The following ACOT13 variants were observed in gnomAD, a reference collection of about 807,000 sequenced individuals.
The protein encoded by ACOT13 is acyl-CoA thioesterase 13.
A neutral mutation model predicts 11.8 loss-of-function variants in ACOT13; 10 were observed. That is an observed-to-expected ratio of 0.85 (90% CI 0.53 to 1.44). The LOEUF is 1.44. Ranked by LOEUF, ACOT13 falls within the 40% of genes most tolerant of loss-of-function variation. The pLI, the probability that ACOT13 is intolerant of heterozygous loss-of-function variation, is 0.00. For synonymous variants in ACOT13, 53 were observed against 61.0 expected (o/e 0.87, Z 0.61); for missense variants, 172 against 174.1 (o/e 0.99, Z 0.07).
chr6:24,668,371 G>A (rs1485521120), intron 1 of ACOT13, among the ~76,000 whole-genome samples: 2 of 151,990 alleles, frequency 1.3e-5, no homozygotes, highest in South Asian at 2.1e-4. Flanking sequence ...ACAGGCATGC[G>A]CCACCAAGCC....
chr6:24,692,956 G>C (rs1191563081), intron 1 of ACOT13, among the ~76,000 whole-genome samples: 2 of 152,186 alleles, frequency 1.3e-5, no homozygotes, highest in Non-Finnish European at 2.9e-5. Flanking sequence ...TACTTTTATA[G>C]CATCTACCTT....
chr6:24,698,006 A>G lies in ACOT13; in HGVS notation c.205A>G (p.Thr69Ala), dbSNP rs767820339. 2 of 1,613,936 alleles carry G rather than the reference A, an allele frequency of 1.2e-6. No homozygotes were observed. The highest frequency in any genetic ancestry group is 3.3e-5 in the Admixed American group (2 of 59,946). ...AGCCACGTTAGTAGATAACATATCA[A>G]CAATGGCTCTGCTATGCACGGAAAG... ...LTATLVDNIS[T>A]MALLCTERGA... is the part of the protein sequence containing the mutation. Residue 69 changes from threonine (T) to alanine (A), a missense_variant, in exon 2 of 3, where the codon ACA becomes GCA. By Grantham distance (58) the Thr-to-Ala change is moderately conservative (BLOSUM62 0). Coordinates refer to ENST00000230048, the MANE Select transcript of ACOT13 (RefSeq NM_018473.4).
At chr6:24,701,141 A>C (rs898181742) in intron 2 of ACOT13, 27 of 193,116 alleles carry the variant, frequency 1.4e-4, no homozygotes, top group African/African-American at 6.1e-4. Flanking sequence ...GAAGTTAAGG[A>C]GATTAAATGA....
intron 1 of ACOT13, among the ~76,000 whole-genome samples, chr6:24,668,692 A>G (rs972455292): frequency 2.0e-5 from 3 of 152,270 alleles, no homozygotes; most frequent in Admixed American, 6.5e-5. Flanking sequence ...ATGAAAGGCT[A>G]AAGTGAAGTT....
chr6:24,686,214 T>C (rs963677799), intron 1 of ACOT13, among the ~76,000 whole-genome samples: 1 of 151,900 alleles, frequency 6.6e-6, no homozygotes, highest in Non-Finnish European at 1.5e-5. Context: ...CAAGGAAGAG[T>C]CCCATCAGAG....
chr6:24,695,927 ATG>A (rs1778788517), intron 1 of ACOT13, among the ~76,000 whole-genome samples: 1 of 152,082 alleles, frequency 6.6e-6, no homozygotes, highest in Non-Finnish European at 1.5e-5. Context: ...GTGTGGTGGC[ATG>A]TGCCTGTAAT....
intron 1 of ACOT13, among the ~76,000 whole-genome samples, chr6:24,693,246 C>G (rs986534494): frequency 1.3e-5 from 2 of 152,202 alleles, no homozygotes; most frequent in African/African-American, 4.8e-5. Context: ...TGTAGACAGT[C>G]TTCTTTTGGG....
At chr6:24,668,395 A>C (rs1057308269) in intron 1 of ACOT13, among the ~76,000 whole-genome samples, 1 of 151,638 alleles carries the variant, frequency 6.6e-6, no homozygotes, top group Admixed American at 6.6e-5. Context: ...CTAATTCTTT[A>C]TTTTTATTAG....
chr6:24,678,262 A>T (rs538314614), intron 1 of ACOT13, among the ~76,000 whole-genome samples: 1 of 152,328 alleles, frequency 6.6e-6, no homozygotes, highest in East Asian at 1.9e-4. Context: ...CCAGGACTGT[A>T]AACCACTCTG....
intron 1 of ACOT13, among the ~76,000 whole-genome samples, chr6:24,679,024 G>A (rs1055290645): frequency 2.0e-5 from 3 of 152,318 alleles, no homozygotes; most frequent in African/African-American, 7.2e-5. Flanking sequence ...CGTCCCCTGG[G>A]GCAATGGGCC....
chr6:24,704,055 T>C lies in ACOT13; in HGVS notation c.*2440T>C, dbSNP rs1195144200. ...GGGATCTAAAACAAGCTACCAAGGA[T>C]ACTGGGACAACAAAACGAATATGGA... On this transcript the variant is annotated 3_prime_UTR_variant, in exon 3 of 3. Coordinates refer to ENST00000230048, the MANE Select transcript of ACOT13 (RefSeq NM_018473.4). 1 of 152,096 alleles carries C rather than the reference T, an allele frequency of 6.6e-6. No individual in the cohort carries two copies. The highest frequency in any genetic ancestry group is 2.4e-5 in the African/African-American group (1 of 41,424). 9.4% of individuals were successfully genotyped at this position (152,096 alleles called of 1,614,324 possible).
intron 1 of ACOT13, among the ~76,000 whole-genome samples, chr6:24,697,383 G>A (rs1320416286): frequency 6.6e-6 from 1 of 151,684 alleles, no homozygotes. Flanking sequence ...ACAGATCTCA[G>A]CTGGGTGGCT....
At chr6:24,697,105 A>G (rs556819050) in intron 1 of ACOT13, among the ~76,000 whole-genome samples, 13 of 152,332 alleles carry the variant, frequency 8.5e-5, no homozygotes, top group Non-Finnish European at 1.8e-4. Context: ...GCATTGTTGC[A>G]TATGTTTATC....
intron 1 of ACOT13, among the ~76,000 whole-genome samples, chr6:24,668,421 A>G (rs1044753061): frequency 9.2e-5 from 14 of 151,728 alleles, no homozygotes; most frequent in African/African-American, 2.9e-4. Context: ...GGGTTTCATC[A>G]TGTTGGTCAG....
At chr6:24,668,101 T>A (rs1420840782) in intron 1 of ACOT13, among the ~76,000 whole-genome samples, 1 of 150,466 alleles carries the variant, frequency 6.6e-6, no homozygotes, top group Non-Finnish European at 1.5e-5. Context: ...AGAGACAGGG[T>A]TTCTCCATGT....
chr6:24,681,283 C>T (rs915248339), intron 1 of ACOT13, among the ~76,000 whole-genome samples: 1 of 152,220 alleles, frequency 6.6e-6, no homozygotes, highest in African/African-American at 2.4e-5. Context: ...GTTGCCGCTA[C>T]CGACTGAATG....
chr6:24,681,226 A>G (rs1025394987), intron 1 of ACOT13, among the ~76,000 whole-genome samples: 1 of 152,226 alleles, frequency 6.6e-6, no homozygotes, highest in Non-Finnish European at 1.5e-5. Flanking sequence ...AGGTGTGCTC[A>G]CAAGAAGGTT....
At chr6:24,678,088 C>G (rs897663232) in intron 1 of ACOT13, among the ~76,000 whole-genome samples, 1 of 152,148 alleles carries the variant, frequency 6.6e-6, no homozygotes, top group South Asian at 2.1e-4. Flanking sequence ...AGAATTGGCT[C>G]AAGTCTTGGG....
intron 1 of ACOT13, among the ~76,000 whole-genome samples, chr6:24,678,175 G>A (rs1015734393): frequency 6.6e-6 from 1 of 152,178 alleles, no homozygotes; most frequent in Non-Finnish European, 1.5e-5. Context: ...GAGACATTGG[G>A]TTCAAAGGAT....
Sources: allele counts gnomAD v4.1 joint callset (sites outside exome capture counted in the v4.1 genomes callset), GRCh38; gene constraint gnomAD v4.1.1; transcripts MANE v1.5; gene names NCBI Gene and HGNC (gene_info 2026-07-23, HGNC 2026-07-21).